SAMMSON: variants seen among roughly 807,000 people sequenced by gnomAD.
The protein encoded by SAMMSON is survival associated mitochondrial melanoma specific oncogenic non-coding RNA.
At chr3:70,221,851 G>A (rs1701463203) in intron 4 of SAMMSON, among the ~76,000 whole-genome samples, 1 of 152,154 alleles carries the variant, frequency 6.6e-6, no homozygotes, top group South Asian at 2.1e-4. Flanking sequence ...AAAAGTAATT[G>A]AGGTTTTGTC....
At chr3:70,132,737 T>C (rs2067487366) in intron 4 of SAMMSON, among the ~76,000 whole-genome samples, 1 of 148,072 alleles carries the variant, frequency 6.8e-6, no homozygotes. Flanking sequence ...AGCTCAGGAG[T>C]TCGAGATCAG....
chr3:70,343,691 T>C (rs1196979270), intron 7 of SAMMSON, among the ~76,000 whole-genome samples: 2 of 152,012 alleles, frequency 1.3e-5, no homozygotes, highest in Non-Finnish European at 2.9e-5. Context: ...CTTCTTTCCT[T>C]ACTGTACTCC....
chr3:70,031,515 C>A (rs1033953529), intron 3 of SAMMSON, among the ~76,000 whole-genome samples: 1 of 152,062 alleles, frequency 6.6e-6, no homozygotes, highest in Non-Finnish European at 1.5e-5. Flanking sequence ...TGTACACTTA[C>A]AATTGTTAAA....
chr3:70,361,130 A>C (rs920741314), intron 9 of SAMMSON, among the ~76,000 whole-genome samples: 1 of 152,124 alleles, frequency 6.6e-6, no homozygotes, highest in African/African-American at 2.4e-5. Flanking sequence ...TTCTGACTTT[A>C]AGGGCAAAAC....
At position 70,415,781 on chromosome 3, in the gene SAMMSON, T is replaced by C. The variant is rs143394899; in HGVS notation, n.234-46779T>C. Among the ~76,000 whole-genome samples, 3 of 152,328 alleles carry C rather than the reference T, an allele frequency of 2.0e-5. No homozygotes were observed. The East Asian group carries it at 5.8e-4, about 29-fold the overall frequency. On this transcript the variant is annotated intron_variant and non_coding_transcript_variant, in intron 2 of 3. Coordinates refer to the SAMMSON transcript ENST00000641053. Reference sequence around the variant, plus strand: ...ACTCCAATCCTGCCTGGAATTCTCCTAGCTAATTACCAAATGTTCTGAGCA... The same window carrying C: ...ACTCCAATCCTGCCTGGAATTCTCCCAGCTAATTACCAAATGTTCTGAGCA...
chr3:70,350,261 T>A (rs2106734314), intron 7 of SAMMSON, among the ~76,000 whole-genome samples: 1 of 152,326 alleles, frequency 6.6e-6, no homozygotes, highest in East Asian at 1.9e-4. Context: ...AAATATTCTA[T>A]ACCAAAGCTA....
At chr3:70,150,196 T>C (rs2067566121) in intron 4 of SAMMSON, among the ~76,000 whole-genome samples, 1 of 152,090 alleles carries the variant, frequency 6.6e-6, no homozygotes, top group Non-Finnish European at 1.5e-5. Flanking sequence ...GAATGTGACA[T>C]GTTTCCTCAT....
chr3:70,109,707 C>T (rs867552252), intron 4 of SAMMSON, among the ~76,000 whole-genome samples: 1 of 152,190 alleles, frequency 6.6e-6, no homozygotes, highest in African/African-American at 2.4e-5. Flanking sequence ...GGCTAATACA[C>T]GTGGGATCCA....
chr3:70,113,393 C>T (rs1367662468), intron 4 of SAMMSON, among the ~76,000 whole-genome samples: 1 of 152,156 alleles, frequency 6.6e-6, no homozygotes, highest in Non-Finnish European at 1.5e-5. Context: ...TGTGACTGCA[C>T]ATAAACCAAT....
intron 4 of SAMMSON, among the ~76,000 whole-genome samples, chr3:70,177,599 G>A (rs1436665434): frequency 2.0e-5 from 3 of 151,994 alleles, no homozygotes; most frequent in South Asian, 4.2e-4. Context: ...GTCACAACCT[G>A]GTATGTCACC....
intron 4 of SAMMSON, among the ~76,000 whole-genome samples, chr3:70,194,244 C>T (rs528238068): frequency 6.6e-6 from 1 of 152,308 alleles, no homozygotes; most frequent in East Asian, 1.9e-4. Context: ...TAAGAGTGTG[C>T]TTCCTTAAAT....
intron 9 of SAMMSON, among the ~76,000 whole-genome samples, chr3:70,359,983 A>G (rs1333146847): frequency 6.6e-6 from 1 of 152,130 alleles, no homozygotes; most frequent in Non-Finnish European, 1.5e-5. Flanking sequence ...ATTTTTTACT[A>G]TAAAGATCAA....
chr3:70,259,092 C>T (rs1217177062), intron 6 of SAMMSON, among the ~76,000 whole-genome samples: 2 of 152,250 alleles, frequency 1.3e-5, no homozygotes, highest in Middle Eastern at 3.4e-3. Flanking sequence ...TTATACGGTA[C>T]CTCCTGCTAG....
chr3:70,122,536 A>T (rs1197788582), intron 4 of SAMMSON, among the ~76,000 whole-genome samples: 1 of 152,240 alleles, frequency 6.6e-6, no homozygotes, highest in East Asian at 1.9e-4. Context: ...GAACATAAAG[A>T]ATATAGATAT....
At chr3:70,280,302 G>C (rs556118962) in intron 6 of SAMMSON, among the ~76,000 whole-genome samples, 1 of 152,224 alleles carries the variant, frequency 6.6e-6, no homozygotes, top group South Asian at 2.1e-4. Context: ...CTCCACGTCA[G>C]GATCCTTAAC....
At chr3:70,234,894 C>T (rs1701592812) in intron 4 of SAMMSON, among the ~76,000 whole-genome samples, 1 of 152,180 alleles carries the variant, frequency 6.6e-6, no homozygotes, top group South Asian at 2.1e-4. Context: ...TTTTTAAACG[C>T]TGCCTTGGAC....
chr3:70,011,635 G>A (rs1490277958), intron 1 of SAMMSON, among the ~76,000 whole-genome samples: 1 of 150,142 alleles, frequency 6.7e-6, no homozygotes, highest in Non-Finnish European at 1.5e-5. Context: ...TGGAAGTGAA[G>A]TCAATTGGTT....
chr3:70,108,594 T>G (rs1474177416), intron 4 of SAMMSON, among the ~76,000 whole-genome samples: 2 of 149,582 alleles, frequency 1.3e-5, no homozygotes, highest in Admixed American at 1.3e-4. Context: ...GTAATGAGAG[T>G]TGGAGATGGG....
chr3:70,125,079 T>C, intron 4 of SAMMSON: 1 of 921,526 alleles, frequency 1.1e-6, no homozygotes, highest in Non-Finnish European at 1.8e-6. Flanking sequence ...CACTTTCTTT[T>C]TCCTTCCTTA....
Sources: allele counts gnomAD v4.1 joint callset (sites outside exome capture counted in the v4.1 genomes callset), GRCh38; gene constraint gnomAD v4.1.1; transcripts MANE v1.5; gene names NCBI Gene and HGNC (gene_info 2026-07-23, HGNC 2026-07-21).